Variants in RALGAPA1 observed in about 807,000 individuals in gnomAD.
RALGAPA1 encodes ral GTPase-activating protein subunit alpha-1.
Under a neutral mutation model 269.6 loss-of-function variants are expected in RALGAPA1, and 52 were observed. That is an observed-to-expected ratio of 0.19 (90% CI 0.15 to 0.24). The LOEUF (loss-of-function observed/expected upper bound fraction) is 0.24, where lower values mean the gene tolerates loss of function less well. Among genes scored for constraint, RALGAPA1 ranks in the 10% least tolerant of loss-of-function variants. The pLI, the probability that RALGAPA1 is intolerant of heterozygous loss-of-function variation, is 1.00. For missense variants in RALGAPA1, 1,917 were observed against 3,013.9 expected (o/e 0.64, Z 8.52); for synonymous variants, 817 against 1,008.3 (o/e 0.81, Z 3.60).
intron 11 of RALGAPA1, among the ~76,000 whole-genome samples, chr14:35,740,663 C>T (rs998562920): frequency 1.3e-5 from 2 of 152,054 alleles, no homozygotes; most frequent in Non-Finnish European, 2.9e-5. Context: ...AAAAAATTAG[C>T]CAGGCATGGT....
chr14:35,798,848 T>C (rs1443683693), intron 1 of RALGAPA1, among the ~76,000 whole-genome samples: 1 of 151,922 alleles, frequency 6.6e-6, no homozygotes, highest in Non-Finnish European at 1.5e-5. Flanking sequence ...AAAAAGAAAT[T>C]AGCCAGGCGT....
intron 15 of RALGAPA1, among the ~76,000 whole-genome samples, chr14:35,722,508 G>C (rs1304242876): frequency 6.6e-6 from 1 of 151,792 alleles, no homozygotes; most frequent in African/African-American, 2.4e-5. Flanking sequence ...AGCTACTTGG[G>C]AAGCTGAAGG....
At chr14:35,646,076 TAAGA>T (rs2062418584) in intron 31 of RALGAPA1, among the ~76,000 whole-genome samples, 1 of 152,082 alleles carries the variant, frequency 6.6e-6, no homozygotes, top group East Asian at 1.9e-4. Flanking sequence ...ATAAGATGAA[TAAGA>T]AAGAAAGGAA....
chr14:35,616,773 TAG>T (rs1413213631), intron 35 of RALGAPA1, among the ~76,000 whole-genome samples: 1 of 152,182 alleles, frequency 6.6e-6, no homozygotes, highest in Non-Finnish European at 1.5e-5. Context: ...AAAAGAACTT[TAG>T]ACTTGATGGT....
intron 1 of RALGAPA1, among the ~76,000 whole-genome samples, chr14:35,783,962 G>A (rs2075628204): frequency 6.6e-6 from 1 of 152,070 alleles, no homozygotes; most frequent in Admixed American, 6.6e-5. Context: ...CTGCTGGTGG[G>A]AATATAAATG....
At chr14:35,609,465 A>G (rs2059791148) in intron 35 of RALGAPA1, among the ~76,000 whole-genome samples, 1 of 152,224 alleles carries the variant, frequency 6.6e-6, no homozygotes, top group African/African-American at 2.4e-5. Flanking sequence ...ATAAAAAATG[A>G]AAATAAAAAG....
intron 31 of RALGAPA1, among the ~76,000 whole-genome samples, chr14:35,640,680 C>G (rs2061971034): frequency 6.6e-6 from 1 of 152,160 alleles, no homozygotes; most frequent in African/African-American, 2.4e-5. Context: ...TAATACCAAT[C>G]CTTCTGAAAC....
At chr14:35,808,358 G>A (rs2077522908) in intron 1 of RALGAPA1, among the ~76,000 whole-genome samples, 1 of 152,088 alleles carries the variant, frequency 6.6e-6, no homozygotes, top group African/African-American at 2.4e-5. Context: ...TCTGAGAGAG[G>A]ATTTTATTTT....
intron 19 of RALGAPA1, among the ~76,000 whole-genome samples, chr14:35,686,116 G>A (rs1343579758): frequency 6.6e-6 from 1 of 150,750 alleles, no homozygotes; most frequent in Non-Finnish European, 1.5e-5. Context: ...AATTATATAT[G>A]TATTTTTATT....
chr14:35,750,827 T>A (rs940377659), intron 8 of RALGAPA1, 137 bp from the exon 9 acceptor site: 1 of 740,306 alleles, frequency 1.4e-6, no homozygotes, highest in Non-Finnish European at 2.1e-6. Context: ...AGAAATGACA[T>A]TTCAAAATTT....
chr14:35,733,129 A>G (rs562342817), intron 12 of RALGAPA1, among the ~76,000 whole-genome samples: 49 of 152,312 alleles, frequency 3.2e-4, no homozygotes, highest in Non-Finnish European at 6.0e-4. Context: ...ATGGAAATTA[A>G]ATAACCTGCT....
intron 39 of RALGAPA1, among the ~76,000 whole-genome samples, chr14:35,555,383 C>A (rs2139200057): frequency 6.6e-6 from 1 of 151,670 alleles, no homozygotes; most frequent in Non-Finnish European, 1.5e-5. Context: ...CTTAAGTGGC[C>A]ATTTATAGAG....
intron 39 of RALGAPA1, 96 bp from the exon 40 acceptor site, chr14:35,549,330 C>A: frequency 8.2e-7 from 1 of 1,221,802 alleles, no homozygotes; most frequent in Non-Finnish European, 1.1e-6. Flanking sequence ...GCCATTACTT[C>A]TTAATAAATA....
At chr14:35,551,095 AGTGCCCC>A (rs2054960016) in intron 39 of RALGAPA1, among the ~76,000 whole-genome samples, 1 of 152,204 alleles carries the variant, frequency 6.6e-6, no homozygotes, top group African/African-American at 2.4e-5. Flanking sequence ...GATTCACAGC[AGTGCCCC>A]TTGTACAAAA....
chr14:35,742,375 C>T lies in RALGAPA1; in HGVS notation c.1442G>A (p.Arg481Lys). ...TAAATCTTATAACTTCACCTCTTCT[C>T]TTTTTTCTCCTTCTTCCATTGAAAT... The part of the protein sequence containing the change: ...HDISMEEGEK[R>K]EEENGTNTAD... The change falls in exon 11 of 42, where the codon AGA becomes AAA. Residue 481 changes from arginine to lysine, a missense_variant. Arg to Lys is a conservative substitution (Grantham distance 26). This residue lies in a region of RALGAPA1 where 462 missense variants were observed against 725.6 expected (regional missense o/e 0.64). Transcript: ENST00000680220. The T allele has an allele frequency of 6.3e-7, 1 of 1,586,438 alleles. No individual in the cohort carries two copies. The highest frequency in any genetic ancestry group is 8.6e-7 in the Non-Finnish European group (1 of 1,162,594).
intron 18 of RALGAPA1, among the ~76,000 whole-genome samples, chr14:35,686,971 C>T (rs1414972680): frequency 1.3e-5 from 2 of 152,044 alleles, no homozygotes; most frequent in African/African-American, 4.8e-5. Flanking sequence ...TATCTTTTTT[C>T]CTGACTCAAT....
At chr14:35,749,049 G>C (rs2072424706) in intron 9 of RALGAPA1, among the ~76,000 whole-genome samples, 1 of 152,000 alleles carries the variant, frequency 6.6e-6, no homozygotes, top group South Asian at 2.1e-4. Flanking sequence ...CAAAATGTGT[G>C]GTAATTAATC....
At chr14:35,581,202 A>T (rs1158627408) in intron 37 of RALGAPA1, among the ~76,000 whole-genome samples, 1 of 151,476 alleles carries the variant, frequency 6.6e-6, no homozygotes, top group Non-Finnish European at 1.5e-5. Context: ...ATAAAGTGAT[A>T]CTAAAATAAA....
At chr14:35,768,375 C>T (rs147884203) in intron 4 of RALGAPA1, among the ~76,000 whole-genome samples, 97 of 152,248 alleles carry the variant, frequency 6.4e-4, no homozygotes, top group Middle Eastern at 3.4e-3. Context: ...GGGCATCATG[C>T]CTGCCACAGA....
Sources: allele counts gnomAD v4.1 joint callset (sites outside exome capture counted in the v4.1 genomes callset), GRCh38; gene constraint gnomAD v4.1.1; regional missense constraint gnomAD v4.1.1; transcripts MANE v1.5; gene names NCBI Gene and HGNC (gene_info 2026-07-23, HGNC 2026-07-21).